Variants in DNAH11 observed in about 807,000 individuals in gnomAD.
DNAH11 encodes axonemal beta dynein heavy chain 11.
DNAH11 carries 442 observed loss-of-function variants against 526.0 expected under a neutral mutation model. The ratio of observed to expected loss-of-function variants is 0.84; its 90% CI spans 0.78 to 0.91. The LOEUF is 0.91. Ranked by LOEUF, DNAH11 falls within the 40% of genes least tolerant of loss-of-function variation. The pLI is 0.00. For missense variants in DNAH11, 6,989 were observed against 5,448.7 expected (o/e 1.28, Z -8.90); for synonymous variants, 2,461 against 1,935.9 (o/e 1.27, Z -7.12).
At chr7:21,768,953 C>T (rs1787301149) in intron 55 of DNAH11, among the ~76,000 whole-genome samples, 2 of 151,988 alleles carry the variant, frequency 1.3e-5, no homozygotes, top group Admixed American at 6.6e-5. Context: ...TGTAACTAAC[C>T]TGCACATTGT....
intron 49 of DNAH11, among the ~76,000 whole-genome samples, chr7:21,743,675 A>T: frequency 6.6e-6 from 1 of 152,352 alleles, no homozygotes; most frequent in Non-Finnish European, 1.5e-5. Context: ...AGCTCCTGCC[A>T]GAAAGATTGC....
intron 9 of DNAH11, among the ~76,000 whole-genome samples, chr7:21,583,704 C>G (rs1448484702): frequency 6.6e-6 from 1 of 152,076 alleles, no homozygotes. Context: ...GTCTAATATC[C>G]AGAATCTACA....
intron 65 of DNAH11, among the ~76,000 whole-genome samples, chr7:21,833,620 A>G (rs7804868): frequency 0.14 from 21,704 of 152,140 alleles, 1,747 homozygotes; most frequent in East Asian, 0.32. Flanking sequence ...GCTTGAACCC[A>G]GGAAGTAGAG....
chr7:21,764,647 C>T (rs1232220724), intron 54 of DNAH11, among the ~76,000 whole-genome samples: 4 of 152,202 alleles, frequency 2.6e-5, no homozygotes, highest in Admixed American at 6.5e-5. Context: ...CACACAGGAG[C>T]TGACCAGGTG....
intron 30 of DNAH11, among the ~76,000 whole-genome samples, chr7:21,665,762 A>G (rs1435490454): frequency 1.3e-5 from 2 of 152,154 alleles, no homozygotes; most frequent in African/African-American, 4.8e-5. Context: ...AAACACTTCT[A>G]GCATGAATTG....
intron 34 of DNAH11, among the ~76,000 whole-genome samples, chr7:21,689,197 C>T (rs1222692749): frequency 6.6e-6 from 1 of 152,178 alleles, no homozygotes; most frequent in East Asian, 1.9e-4. Flanking sequence ...CTTAGATCTC[C>T]AGCTATATTT....
chr7:21,817,834 AT>A (rs1706712776), intron 64 of DNAH11, among the ~76,000 whole-genome samples: 2 of 133,328 alleles, frequency 1.5e-5, no homozygotes, highest in African/African-American at 2.5e-5. Context: ...GTTTAAAAAA[AT>A]AAAAGTTTGA....
At position 21,543,042 on chromosome 7, in the gene DNAH11, C is replaced by T. The variant is rs1331627773; in HGVS notation, c.-204C>T. ...CGGGAAACGGGACGCGCTGCTTGTC[C>T]CAGGCCTTCGCTTCGGCCTGCGAGG... is the stretch of plus-strand genomic sequence containing the variant. On this transcript the variant is annotated 5_prime_UTR_variant, in exon 1 of 82. Coordinates refer to ENST00000409508, the MANE Select transcript of DNAH11 (RefSeq NM_001277115.2). 2.6e-5 allele frequency among the ~76,000 whole-genome samples: 4 copies of T among 152,204 alleles called. No individual in the cohort carries two copies. The South Asian group carries it at 6.2e-4, about 24-fold the overall frequency.
chr7:21,791,517 C>T (rs982037676), intron 61 of DNAH11, among the ~76,000 whole-genome samples: 1 of 152,184 alleles, frequency 6.6e-6, no homozygotes, highest in Non-Finnish European at 1.5e-5. Flanking sequence ...CCTGATGAGA[C>T]TTGTAAACAG....
intron 48 of DNAH11, 21 bp downstream of exon 48, chr7:21,739,694 C>G: frequency 1.3e-6 from 2 of 1,571,728 alleles, no homozygotes; most frequent in South Asian, 2.3e-5. Context: ...GAATACTGCT[C>G]TCAAAAACTG....
At chr7:21,786,292 A>G (rs1006729351) in intron 58 of DNAH11, among the ~76,000 whole-genome samples, 2 of 114,204 alleles carry the variant, frequency 1.8e-5, no homozygotes, top group African/African-American at 3.7e-5. Flanking sequence ...ATATCTTACA[A>G]CATATACACA....
At chr7:21,811,286 A>ACC (rs1562560610) in intron 63 of DNAH11, among the ~76,000 whole-genome samples, 19 of 150,218 alleles carry the variant, frequency 1.3e-4, no homozygotes, top group African/African-American at 4.5e-4. Flanking sequence ...AACATGGTGA[A>ACC]ACCCCCCCCC....
rs1220019859 is a variant in DNAH11 at position 21,543,213 on chromosome 7, A to C, written c.-33A>C. 4.7e-6 allele frequency: 7 copies of C among 1,488,156 alleles called. No homozygotes were observed. In the South Asian group the frequency reaches 7.9e-5, roughly 17 times the overall value. The allele number at this position is 1,488,156 out of a possible 1,614,324, so 92.2% of individuals were successfully genotyped here. The stretch of plus-strand genomic sequence containing the variant: ...GGCCCAGAGTCTCGGGTGAGGAGCC[A>C]GCCGGCCTCGCGTTCCCTCGGACGG... On this transcript the variant is annotated 5_prime_UTR_variant, in exon 1 of 82. Coordinates refer to ENST00000409508, the MANE Select transcript of DNAH11 (RefSeq NM_001277115.2).
At chr7:21,606,862 G>T in intron 20 of DNAH11, 129 bp downstream of exon 20, 1 of 794,580 alleles carries the variant, frequency 1.3e-6, no homozygotes, top group Non-Finnish European at 2.0e-6. Context: ...TTAAAACCCA[G>T]TTATAAGCAA....
Position 21,816,700 on chromosome 7 carries a change from A to T in DNAH11, c.10566A>T (p.Lys3522Asn), listed in dbSNP as rs1789809974. The change falls in exon 64 of 82, where the codon AAA (lysine) becomes AAT (asparagine). Residue 3522 changes from lysine (K) to asparagine (N), a missense_variant and splice_region_variant. Coordinates refer to ENST00000409508, the MANE Select transcript of DNAH11 (RefSeq NM_001277115.2). ...TGAAAGTCACACATTTGGGCCAGAA[A>T]GGGTATGTGAAGTTTGAAGAGACTG... is the stretch of plus-strand genomic sequence containing the variant. Reference protein sequence around the residue: ...MDLKVTHLGQKGFLNAIETAL... With the variant: ...MDLKVTHLGQNGFLNAIETAL... 10 of 1,612,954 alleles carry T rather than the reference A, an allele frequency of 6.2e-6. No homozygotes were observed. Among genetic ancestry groups the T allele is most frequent in the Non-Finnish European group, 8.5e-6 (10 of 1,179,404 alleles).
At chr7:21,590,186 C>T (rs1320734307) in intron 12 of DNAH11, among the ~76,000 whole-genome samples, 3 of 151,904 alleles carry the variant, frequency 2.0e-5, no homozygotes, top group Non-Finnish European at 4.4e-5. Context: ...TATAATTATA[C>T]AATATGTGCA....
At chr7:21,693,489 A>G (rs1195812101) in intron 35 of DNAH11, among the ~76,000 whole-genome samples, 1 of 152,210 alleles carries the variant, frequency 6.6e-6, no homozygotes, top group Non-Finnish European at 1.5e-5. Flanking sequence ...TCATGAAGTA[A>G]GTTGACAAGT....
At chr7:21,572,757 C>T (rs1478516751) in intron 8 of DNAH11, among the ~76,000 whole-genome samples, 1 of 152,184 alleles carries the variant, frequency 6.6e-6, no homozygotes, top group Non-Finnish European at 1.5e-5. Context: ...CTTAAGCCCT[C>T]TGAATTATAG....
intron 37 of DNAH11, among the ~76,000 whole-genome samples, chr7:21,703,108 T>C (rs549150310): frequency 7.9e-5 from 12 of 152,198 alleles, no homozygotes; most frequent in Non-Finnish European, 1.5e-4. Context: ...CTGAGGAACA[T>C]TTAAGAAATC....
Sources: gnomAD v4.1 joint callset for allele counts (sites outside exome capture counted in the v4.1 genomes callset) on GRCh38, gnomAD v4.1.1 for gene constraint, MANE v1.5 for transcripts, NCBI Gene and HGNC (gene_info 2026-07-23, HGNC 2026-07-21) for gene names.